VRTN: variants seen among roughly 807,000 people sequenced by gnomAD.
VRTN encodes the protein vertebrae development associated, also known as vertnin.
VRTN carries 5 observed loss-of-function variants against 18.2 expected under a neutral mutation model. The observed-to-expected ratio is 0.27, with a 90% CI of 0.14 to 0.58. The LOEUF is 0.58. Ranked by LOEUF, VRTN falls within the 20% of genes least tolerant of loss-of-function variation. VRTN has a pLI of 0.91. For missense variants in VRTN, 741 were observed against 939.4 expected, an observed-to-expected ratio of 0.79 and a Z score of 2.76; for synonymous variants, 381 against 393.7, an observed-to-expected ratio of 0.97 and a Z score of 0.38.
chr14:74,353,815 C>T (rs1029116209), intron 1 of VRTN, among the ~76,000 whole-genome samples: 3 of 152,026 alleles, frequency 2.0e-5, no homozygotes, highest in South Asian at 2.1e-4. Context: ...CTCCGCCTCC[C>T]GGGTTCACGC....
chr14:74,306,359 G>A (rs1038397379), intron 1 of VRTN: 1 of 150,906 alleles, frequency 6.6e-6, no homozygotes, highest in African/African-American at 2.4e-5. Flanking sequence ...TTGTAGAGAA[G>A]GCAGGGGTTG....
rs1595161620 is a variant in VRTN, at chr14:74,310,628, C to G, written c.-164+7452C>G. On this transcript the variant is annotated intron_variant, in intron 1 of 2. Coordinates refer to the VRTN transcript ENST00000557177. ...TCCCGGCTCACTGCAGCCTCCGCCT[C>G]CTGGGTTCAAGTGATTCTCCTGCCT... Among the ~76,000 whole-genome samples the G allele has an allele frequency of 2.0e-5, 3 of 150,416 alleles. No individual in the cohort carries two copies. The Middle Eastern group carries it at 0.01, about 522-fold the overall frequency.
intron 1 of VRTN, among the ~76,000 whole-genome samples, chr14:74,314,394 C>CTTTTTTTTTTTT (rs10676222): frequency 9.2e-6 from 1 of 108,824 alleles, no homozygotes; most frequent in Non-Finnish European, 1.8e-5. Context: ...AAAAACTGTT[C>CTTTTTTTTTTTT]TTTTTTTTTT....
intron 1 of VRTN, among the ~76,000 whole-genome samples, chr14:74,351,635 C>T (rs2085685164): frequency 6.6e-6 from 1 of 150,718 alleles, no homozygotes; most frequent in African/African-American, 2.4e-5. Context: ...GCACATGCTA[C>T]TATGCAGGCT....
chr14:74,348,726 G>A (rs569280109), intron 1 of VRTN, 74 bp downstream of exon 1: 1 of 152,560 alleles, frequency 6.6e-6, no homozygotes, highest in East Asian at 1.9e-4. Context: ...GCTCCAGCGG[G>A]GTCAGGGATG....
chr14:74,318,860 A>T (rs1208923090), intron 1 of VRTN, among the ~76,000 whole-genome samples: 1 of 151,412 alleles, frequency 6.6e-6, no homozygotes, highest in Non-Finnish European at 1.5e-5. Context: ...GACTACAAGT[A>T]TGTGCCACCA....
At chr14:74,308,113 T>A (rs2085366310) in intron 1 of VRTN, among the ~76,000 whole-genome samples, 1 of 152,104 alleles carries the variant, frequency 6.6e-6, no homozygotes, top group Admixed American at 6.6e-5. Context: ...TTTTCTAGGT[T>A]TTTAAAAAAT....
chr14:74,350,009 G>A (rs890557075), intron 1 of VRTN, among the ~76,000 whole-genome samples: 1 of 152,154 alleles, frequency 6.6e-6, no homozygotes, highest in African/African-American at 2.4e-5. Flanking sequence ...GGCCAGCTGG[G>A]CAAAGTCCAT....
intron 1 of VRTN, among the ~76,000 whole-genome samples, chr14:74,320,552 G>A (rs1244095866): frequency 8.0e-6 from 1 of 124,404 alleles, no homozygotes; most frequent in Admixed American, 9.1e-5. Context: ...TTGAGCCACT[G>A]CGCCCGGCCT....
chr14:74,303,903 G>A (rs2085226737), intron 1 of VRTN, among the ~76,000 whole-genome samples: 1 of 138,496 alleles, frequency 7.2e-6, no homozygotes, highest in South Asian at 2.2e-4. Flanking sequence ...CCCGGCTAGA[G>A]TGCAATGGCG....
At chr14:74,354,138 T>C (rs560694891) in intron 1 of VRTN, among the ~76,000 whole-genome samples, 2 of 152,228 alleles carry the variant, frequency 1.3e-5, no homozygotes, top group African/African-American at 4.8e-5. Context: ...ATCTCCATAG[T>C]ATTTGGTTTA....
intron 1 of VRTN, among the ~76,000 whole-genome samples, chr14:74,324,071 G>T (rs980379749): frequency 6.6e-6 from 1 of 152,028 alleles, no homozygotes; most frequent in African/African-American, 2.4e-5. Context: ...TGCCGTGAAT[G>T]GCACATGGTA....
rs780520228 is a variant in VRTN, at chr14:74,357,616, C to G, written c.833C>G (p.Pro278Arg). ...ACCCTGGAGCTGCTCAACCGTGAACCTGGCCTCAGCTACTCTCACCTCTGT... is the reference window on the plus strand; with the variant it reads ...ACCCTGGAGCTGCTCAACCGTGAACGTGGCCTCAGCTACTCTCACCTCTGT... ...AKTLELLNRE[P>R]GLSYSHLCER... Residue 278 changes from proline to arginine, a missense_variant, in exon 2 of 2, where the codon CCT becomes CGT. Coordinates refer to ENST00000256362, the MANE Select transcript of VRTN (RefSeq NM_018228.3). The surrounding 1 kb of genome is among the most constrained non-coding windows in gnomAD (Gnocchi z 7.8). 8.1e-6 allele frequency: 13 copies of G among 1,614,078 alleles called. No individual in the cohort carries two copies. In the Admixed American group the frequency reaches 1.8e-4, roughly 23 times the overall value.
intron 2 of VRTN, among the ~76,000 whole-genome samples, chr14:74,340,141 T>TTGC (rs2085591859): frequency 6.8e-6 from 1 of 148,094 alleles, no homozygotes; most frequent in Non-Finnish European, 1.5e-5. Flanking sequence ...AGACGGAGTT[T>TTGC]TGCTCTTGTT....
chr14:74,340,164 G>A lies in VRTN; in HGVS notation c.-2+2280G>A, dbSNP rs1354206384. On this transcript the variant is annotated intron_variant, in intron 2 of 2. Transcript: ENST00000557177. ...TTTTGCTCTTGTTGCCCAGGCTGGA[G>A]TGCAAGGGCACGATCTCAGCTCACC... Among the ~76,000 whole-genome samples the A allele has an allele frequency of 4.0e-5, 6 of 149,202 alleles. No homozygotes were observed. In the South Asian group the frequency reaches 1.3e-3, roughly 32 times the overall value.
At chr14:74,312,812 G>A (rs983582937) in intron 1 of VRTN, among the ~76,000 whole-genome samples, 4 of 143,428 alleles carry the variant, frequency 2.8e-5, no homozygotes, top group Admixed American at 1.4e-4. Context: ...GGAGTACAGT[G>A]GCTCACTGCA....
At chr14:74,331,270 G>T (rs909722953) in intron 1 of VRTN, among the ~76,000 whole-genome samples, 5 of 151,692 alleles carry the variant, frequency 3.3e-5, no homozygotes, top group Non-Finnish European at 5.9e-5. Context: ...GCTCATGCCT[G>T]TAATGCCAGC....
In VRTN at chr14:74,355,853, CAG is replaced by C. The variant is rs368594085; in HGVS notation, c.-1-927_-1-926del. Among the ~76,000 whole-genome samples, 634 of 149,134 alleles carry C rather than the reference CAG, an allele frequency of 4.3e-3. 2 individuals are homozygous for C. Among genetic ancestry groups the C allele is most frequent in the African/African-American group, 0.015 (603 of 40,408 alleles). ...TCTCTCTTTTTTTTTTTTTCTGAGA[CAG>C]AGTCTCATTCCTGTCACCCTGGCTG... On this transcript the variant is annotated intron_variant, in intron 1 of 1. Coordinates refer to ENST00000256362, the MANE Select transcript of VRTN (RefSeq NM_018228.3).
chr14:74,358,136 G>A lies in VRTN; in HGVS notation c.1353G>A (p.Lys451=), dbSNP rs759180388. The change falls in exon 2 of 2, where the codon AAG becomes AAA. Residue 451 remains lysine (K), a synonymous_variant. Transcript: ENST00000256362. This position sits in a 1 kb window ranked among gnomAD's most constrained non-coding sequence, Gnocchi z 5.4. ...CCCTCCGGAGGAACCCCAGCTTCAA[G>A]CCGGCACCAGCCCTCTCTGCTGCTG... The part of the protein sequence containing the change: ...RKALRRNPSF[K]PAPALSAAGT... 1 of 1,614,100 alleles carries A rather than the reference G, an allele frequency of 6.2e-7. No individual in the cohort carries two copies. Among genetic ancestry groups the A allele is most frequent in the Non-Finnish European group, 8.5e-7 (1 of 1,180,030 alleles).
Sources: gnomAD v4.1 joint callset for allele counts (sites outside exome capture counted in the v4.1 genomes callset) on GRCh38, gnomAD v4.1.1 for gene constraint, Gnocchi (gnomAD v3.1) non-coding constraint, MANE v1.5 for transcripts, NCBI Gene and HGNC (gene_info 2026-07-23, HGNC 2026-07-21) for gene names.